FAM178B: variants seen among roughly 807,000 people sequenced by gnomAD.
The protein encoded by FAM178B is family with sequence similarity 178 member B.
FAM178B carries 82 observed loss-of-function variants against 91.7 expected under a neutral mutation model. The observed-to-expected ratio is 0.89, with a 90% confidence interval of 0.75 to 1.07. FAM178B has a LOEUF of 1.07. Ranked by LOEUF, FAM178B falls within the 50% of genes least tolerant of loss-of-function variation. FAM178B has a pLI of 0.00. For missense variants in FAM178B, 769 were observed against 846.7 expected (o/e 0.91, Z 1.14); for synonymous variants, 368 against 359.4 (o/e 1.02, Z -0.27).
At chr2:96,904,072 C>T (rs1438322318) in intron 12 of FAM178B, among the ~76,000 whole-genome samples, 4 of 152,160 alleles carry the variant, frequency 2.6e-5, no homozygotes, top group Non-Finnish European at 4.4e-5. Context: ...TTGATGGGTG[C>T]GCCACTGCCC....
chr2:96,923,648 C>T lies in FAM178B; in HGVS notation c.1194-65G>A, dbSNP rs867547850. On this transcript the variant is annotated intron_variant, in intron 9 of 16. Transcript: ENST00000490605. ...AGGGGGCACAGGGGCAGGAGTGAGG[C>T]GCAAAGTGGGACACTGCTGCCCTGA... The T allele has an allele frequency of 1.8e-5, 23 of 1,245,102 alleles. 1 individual carries two copies. The Middle Eastern group carries it at 7.4e-4, about 40-fold the overall frequency. The allele number at this position is 1,245,102 out of a possible 1,614,324, so 77.1% of individuals were successfully genotyped here.
At chr2:96,923,123 C>T (rs1463494705) in intron 10 of FAM178B, among the ~76,000 whole-genome samples, 1 of 152,102 alleles carries the variant, frequency 6.6e-6, no homozygotes, top group African/African-American at 2.4e-5. Flanking sequence ...TGTCCGCCAC[C>T]ATGCCCGGCT....
At chr2:96,911,897 T>C (rs1559068361) in intron 12 of FAM178B, among the ~76,000 whole-genome samples, 1 of 152,126 alleles carries the variant, frequency 6.6e-6, no homozygotes, top group Non-Finnish European at 1.5e-5. Context: ...TCCCACATGC[T>C]GAATCCCAGA....
intron 12 of FAM178B, among the ~76,000 whole-genome samples, chr2:96,916,756 T>G (rs945407941): frequency 2.6e-5 from 4 of 152,206 alleles, no homozygotes; most frequent in Non-Finnish European, 4.4e-5. Flanking sequence ...CATGAAGTCT[T>G]GAACGCTGAG....
intron 9 of FAM178B, among the ~76,000 whole-genome samples, chr2:96,927,377 C>T (rs1035922830): frequency 3.3e-5 from 5 of 152,166 alleles, no homozygotes; most frequent in Admixed American, 1.3e-4. Context: ...GCCAGGTCCT[C>T]GAGGGTAGTT....
At chr2:96,923,285 T>C (rs1314042219) in intron 10 of FAM178B, among the ~76,000 whole-genome samples, 1 of 152,182 alleles carries the variant, frequency 6.6e-6, no homozygotes, top group Non-Finnish European at 1.5e-5. Context: ...AATTCTTTCT[T>C]GTACAAGAAC....
chr2:96,976,489 C>A (rs1198549165), intron 1 of FAM178B, among the ~76,000 whole-genome samples: 1 of 151,926 alleles, frequency 6.6e-6, no homozygotes, highest in African/African-American at 2.4e-5. Context: ...GAACTGAAAA[C>A]AAATATCCAT....
chr2:96,966,013 T>C (rs1287891003), intron 5 of FAM178B, among the ~76,000 whole-genome samples: 1 of 152,116 alleles, frequency 6.6e-6, no homozygotes, highest in Non-Finnish European at 1.5e-5. Flanking sequence ...CCTCCTGCCC[T>C]GGCCTCCACA....
intron 12 of FAM178B, among the ~76,000 whole-genome samples, chr2:96,904,541 ATTTTTTTTT>A (rs11284849): frequency 3.7e-4 from 36 of 96,648 alleles, no homozygotes; most frequent in Admixed American, 4.9e-4. Flanking sequence ...ATGCCTGGCT[ATTTTTTTTT>A]TTTTTTTTTT....
At chr2:96,901,482 C>T (rs910334154) in intron 13 of FAM178B, among the ~76,000 whole-genome samples, 3 of 152,076 alleles carry the variant, frequency 2.0e-5, no homozygotes, top group Non-Finnish European at 2.9e-5. Context: ...CTCAGAAGGC[C>T]GACCTCTTAA....
intron 8 of FAM178B, among the ~76,000 whole-genome samples, chr2:96,946,533 G>C (rs1018605423): frequency 6.6e-6 from 1 of 152,234 alleles, no homozygotes; most frequent in African/African-American, 2.4e-5. Flanking sequence ...TGGGCTCTCA[G>C]GTAGTGGCCA....
At chr2:96,896,191 G>T (rs1184787034) in intron 13 of FAM178B, among the ~76,000 whole-genome samples, 2 of 152,190 alleles carry the variant, frequency 1.3e-5, no homozygotes, top group Admixed American at 1.3e-4. Context: ...TCCCTGCTAC[G>T]GGAGGCCTGG....
At chr2:96,979,486 G>A in intron 1 of FAM178B, among the ~76,000 whole-genome samples, 1 of 152,120 alleles carries the variant, frequency 6.6e-6, no homozygotes, top group East Asian at 1.9e-4. Context: ...ACAGGCATGA[G>A]CCACTGCACC....
At chr2:96,986,168 G>GT in intron 1 of FAM178B, 73 bp downstream of exon 1, 2 of 1,529,938 alleles carry the variant, frequency 1.3e-6, no homozygotes, top group Non-Finnish European at 1.7e-6. Flanking sequence ...CCAGCCAGGA[G>GT]TCCCAGGGAA....
intron 9 of FAM178B, among the ~76,000 whole-genome samples, chr2:96,925,670 C>T (rs547136197): frequency 6.6e-6 from 1 of 152,264 alleles, no homozygotes; most frequent in Non-Finnish European, 1.5e-5. Context: ...TGGTCCCACG[C>T]CTGGCTCCAG....
chr2:96,937,244 C>T (rs548429782), intron 8 of FAM178B, among the ~76,000 whole-genome samples: 5 of 129,322 alleles, frequency 3.9e-5, no homozygotes, highest in Non-Finnish European at 6.3e-5. Flanking sequence ...ATTACTGCCA[C>T]CTGTGCCCTA....
intron 13 of FAM178B, among the ~76,000 whole-genome samples, chr2:96,900,784 C>T (rs1343087948): frequency 6.6e-6 from 1 of 152,194 alleles, no homozygotes; most frequent in East Asian, 1.9e-4. Context: ...CCCAACCCCA[C>T]CGGTCACCTC....
In FAM178B at chr2:96,986,283, C is replaced by G. The variant is rs2082422758; in HGVS notation, c.31G>C (p.Ala11Pro). 1 of 1,534,256 alleles carries G rather than the reference C, an allele frequency of 6.5e-7. No homozygotes were observed. Among genetic ancestry groups the G allele is most frequent in the Admixed American group, 2.0e-5 (1 of 50,978 alleles). ...TGATCCTGCCTCCTGAGTTGTGGAG[C>G]GAGGCCCGCACCTGGAAGCCTTGGC... MWPRLPGAGL[A>P]PQLRRQDQRL... The change falls in exon 1 of 17, where the codon GCT (alanine) becomes CCT (proline). Residue 11 changes from alanine to proline, a missense_variant. Coordinates refer to ENST00000490605, the MANE Select transcript of FAM178B (RefSeq NM_001122646.3).
In FAM178B at chr2:96,951,407, G is replaced by C; in HGVS notation, c.965C>G (p.Pro322Arg). The change falls in exon 7 of 17, where the codon CCG becomes CGG. Residue 322 changes from proline (P) to arginine (R), a missense_variant. Pro to Arg is a moderately radical substitution (Grantham distance 103). Coordinates refer to ENST00000490605, the MANE Select transcript of FAM178B (RefSeq NM_001122646.3). ...NILYLHMPDC[P>R]VSLLQWLFQL... ...GAACAGCCACTGGAGCAGGGATACCGGGCAGTCAGGCATGTGCAGGTAGAG... is the reference window on the plus strand; with the variant it reads ...GAACAGCCACTGGAGCAGGGATACCCGGCAGTCAGGCATGTGCAGGTAGAG... 3 of 1,551,396 alleles carry C rather than the reference G, an allele frequency of 1.9e-6. No homozygotes were observed. The highest frequency in any genetic ancestry group is 2.4e-5 in the East Asian group (1 of 40,902).
Sources: gnomAD v4.1 joint callset for allele counts (sites outside exome capture counted in the v4.1 genomes callset) on GRCh38, gnomAD v4.1.1 for gene constraint, MANE v1.5 for transcripts, NCBI Gene and HGNC (gene_info 2026-07-23, HGNC 2026-07-21) for gene names.